VAV1: variants seen among roughly 807,000 people sequenced by gnomAD.
VAV1 encodes the protein vav guanine nucleotide exchange factor 1.
A neutral mutation model predicts 128.1 loss-of-function variants in VAV1; 33 were observed. The ratio of observed to expected loss-of-function variants is 0.26; its 90% CI spans 0.20 to 0.34. The LOEUF is 0.34. Among genes scored for constraint, VAV1 ranks in the 10% least tolerant of loss-of-function variants. VAV1 has a pLI of 1.00. For missense variants in VAV1, 715 were observed against 1,093.7 expected, an observed-to-expected ratio of 0.65 and a Z score of 4.88; for synonymous variants, 394 against 409.8, an observed-to-expected ratio of 0.96 and a Z score of 0.47.
chr19:6,850,223 TTG>T (rs1383221621), intron 23 of VAV1, among the ~76,000 whole-genome samples: 14 of 119,608 alleles, frequency 1.2e-4, no homozygotes, highest in East Asian at 2.4e-4. Flanking sequence ...GTTTGTTTCT[TTG>T]TTTTTTTTTT....
intron 1 of VAV1, among the ~76,000 whole-genome samples, chr19:6,813,796 G>A (rs1352040621): frequency 6.6e-6 from 1 of 152,098 alleles, no homozygotes; most frequent in Non-Finnish European, 1.5e-5. Context: ...GCTCATACCT[G>A]TAATCTCAGC....
intron 1 of VAV1, among the ~76,000 whole-genome samples, chr19:6,776,399 CCCATCTATCCAT>C (rs1284898690): frequency 1.1e-4 from 10 of 93,692 alleles, no homozygotes; most frequent in South Asian, 4.0e-4. Flanking sequence ...CATCCACCCA[CCCATCTATCCAT>C]CCATCCATCC....
intron 15 of VAV1, among the ~76,000 whole-genome samples, chr19:6,832,492 T>C (rs191972209): frequency 4.7e-4 from 71 of 150,534 alleles, no homozygotes; most frequent in African/African-American, 1.2e-3. Context: ...CTCCTCCTCC[T>C]CTTTCTCCTT....
chr19:6,796,925 T>C (rs941407475), intron 1 of VAV1, among the ~76,000 whole-genome samples: 3 of 152,118 alleles, frequency 2.0e-5, no homozygotes, highest in Non-Finnish European at 2.9e-5. Context: ...ACTGGGTGTA[T>C]AGTAGGTGCT....
intron 1 of VAV1, among the ~76,000 whole-genome samples, chr19:6,803,556 A>G (rs13345037): frequency 0.13 from 19,661 of 152,064 alleles, 2,197 homozygotes; most frequent in African/African-American, 0.31. Flanking sequence ...GTGCATCCAG[A>G]CAATGGAATA....
chr19:6,789,856 C>T (rs1432990741), intron 1 of VAV1, among the ~76,000 whole-genome samples: 1 of 152,196 alleles, frequency 6.6e-6, no homozygotes, highest in Non-Finnish European at 1.5e-5. Flanking sequence ...GCCTTGGCCT[C>T]CCAAAGTGCT....
chr19:6,847,994 G>A lies in VAV1; in HGVS notation c.2013-4G>A, dbSNP rs888045074. 5.3e-6 allele frequency: 8 copies of A among 1,503,730 alleles called. No homozygotes were observed. The African/African-American group carries it at 1.2e-4, about 22-fold the overall frequency. The allele number at this position is 1,503,730 out of a possible 1,614,324, so 93.1% of individuals were successfully genotyped here. The stretch of plus-strand genomic sequence containing the variant: ...CCACCTCTGTCCTTGGTGTCTCTTT[G>A]CAGGTACGCAGGCCCCATGGAGCGG... On this transcript the variant is annotated splice_polypyrimidine_tract_variant and splice_region_variant and intron_variant, in intron 22 of 26. Coordinates refer to ENST00000602142, the MANE Select transcript of VAV1 (RefSeq NM_005428.4).
intron 24 of VAV1, 103 bp downstream of exon 24, chr19:6,850,860 C>G (rs111245427): frequency 6.5e-6 from 7 of 1,073,878 alleles, no homozygotes; most frequent in African/African-American, 6.3e-5. Flanking sequence ...GGGTGACCCC[C>G]CTCCAGTGGC....
Position 6,840,849 on chromosome 19 carries a change from G to T in VAV1, c.1981-2286G>T, listed in dbSNP as rs185911211. ...GGCTGGAGTGGAATGGTGCAATCTC[G>T]GCCCACTGCAACCTCAGCCTCCCGG... On this transcript the variant is annotated intron_variant, in intron 21 of 26. Coordinates refer to ENST00000602142, the MANE Select transcript of VAV1 (RefSeq NM_005428.4). 1.7e-3 allele frequency among the ~76,000 whole-genome samples: 251 copies of T among 151,420 alleles called. No individual in the cohort carries two copies. The Middle Eastern group carries it at 0.021, about 12-fold the overall frequency.
chr19:6,849,374 C>T (rs1302681434), intron 23 of VAV1, among the ~76,000 whole-genome samples: 2 of 145,528 alleles, frequency 1.4e-5, no homozygotes, highest in East Asian at 4.1e-4. Context: ...CTGCAAACTC[C>T]ACCTCCCAGG....
intron 1 of VAV1, among the ~76,000 whole-genome samples, chr19:6,775,699 G>T (rs1223299486): frequency 6.6e-6 from 1 of 152,108 alleles, no homozygotes; most frequent in African/African-American, 2.4e-5. Flanking sequence ...TAGTGGGGAC[G>T]TGTGAGGGAA....
chr19:6,782,638 G>A lies in VAV1; in HGVS notation c.204+9627G>A, dbSNP rs1219760424. 3.3e-5 allele frequency among the ~76,000 whole-genome samples: 5 copies of A among 152,148 alleles called. No homozygotes were observed. The South Asian group carries it at 1.0e-3, about 32-fold the overall frequency. The stretch of plus-strand genomic sequence containing the variant: ...TCACGCCTATAATCCCAACACTTTG[G>A]GAAGCCAAGGCAAGGCTAATCGCTT... On this transcript the variant is annotated intron_variant, in intron 1 of 26. Coordinates refer to ENST00000602142, the MANE Select transcript of VAV1 (RefSeq NM_005428.4).
chr19:6,814,616 T>TTC (rs1310715161), intron 1 of VAV1, among the ~76,000 whole-genome samples: 1 of 151,510 alleles, frequency 6.6e-6, no homozygotes, highest in East Asian at 1.9e-4. Context: ...ATGACTTTCT[T>TTC]TCTTTCTTTC....
At chr19:6,812,973 C>T (rs1971545384) in intron 1 of VAV1, among the ~76,000 whole-genome samples, 1 of 152,206 alleles carries the variant, frequency 6.6e-6, no homozygotes, top group Non-Finnish European at 1.5e-5. Context: ...AACTGAATTA[C>T]AACAACATGA....
intron 1 of VAV1, among the ~76,000 whole-genome samples, chr19:6,775,112 CA>C (rs1263217008): frequency 2.0e-5 from 3 of 152,046 alleles, no homozygotes; most frequent in Non-Finnish European, 4.4e-5. Context: ...TCAGCTGGGA[CA>C]GGGCTTCCTG....
chr19:6,795,365 G>A (rs1400056045), intron 1 of VAV1, among the ~76,000 whole-genome samples: 1 of 152,100 alleles, frequency 6.6e-6, no homozygotes, highest in African/African-American at 2.4e-5. Context: ...TGAACTCTGT[G>A]TATCGCTCGC....
chr19:6,851,339 AT>A (rs201637015), intron 24 of VAV1, among the ~76,000 whole-genome samples: 3,410 of 151,944 alleles, frequency 0.022, 140 homozygotes, highest in African/African-American at 0.078. Flanking sequence ...TGCCTGGCTA[AT>A]TTTAAAAAAA....
At chr19:6,810,230 G>A (rs902640029) in intron 1 of VAV1, among the ~76,000 whole-genome samples, 10 of 151,848 alleles carry the variant, frequency 6.6e-5, no homozygotes, top group Non-Finnish European at 1.2e-4. Flanking sequence ...AGTCCCAGCT[G>A]CTCAGGAGGC....
At chr19:6,837,826 A>G (rs979259433) in intron 21 of VAV1, among the ~76,000 whole-genome samples, 2 of 152,178 alleles carry the variant, frequency 1.3e-5, no homozygotes, top group South Asian at 4.1e-4. Flanking sequence ...AATACTTCTT[A>G]AGAGCAAGAG....
Sources: gnomAD v4.1 joint callset for allele counts (sites outside exome capture counted in the v4.1 genomes callset) on GRCh38, gnomAD v4.1.1 for gene constraint, MANE v1.5 for transcripts, NCBI Gene and HGNC (gene_info 2026-07-23, HGNC 2026-07-21) for gene names.